ADAMTS9: variants seen among roughly 807,000 people sequenced by gnomAD.
ADAMTS9 encodes A disintegrin and metalloproteinase with thrombospondin motifs 9.
In ADAMTS9, 107 loss-of-function variants were observed where a neutral mutation model predicts 257.1. The ratio of observed to expected loss-of-function variants is 0.42; its 90% CI spans 0.36 to 0.49. The LOEUF is 0.49. ADAMTS9 is among the 20% of genes least tolerant of loss of function. The pLI, the probability that ADAMTS9 is intolerant of heterozygous loss-of-function variation, is 0.03. For synonymous variants in ADAMTS9, 982 were observed against 880.9 expected, an observed-to-expected ratio of 1.11 and a Z score of -2.03; for missense variants, 2,353 against 2,469.1, an observed-to-expected ratio of 0.95 and a Z score of 1.00.
chr3:64,528,522 T>C (rs985318703), intron 38 of ADAMTS9, among the ~76,000 whole-genome samples: 1 of 152,034 alleles, frequency 6.6e-6, no homozygotes, highest in Non-Finnish European at 1.5e-5. Flanking sequence ...TGCCCTGAAG[T>C]CCACCCCCAA....
At chr3:64,521,563 G>C (rs1424252780) in intron 39 of ADAMTS9, 1 of 152,140 alleles carries the variant, frequency 6.6e-6, no homozygotes, top group African/African-American at 2.4e-5. Context: ...TGGTGGACTG[G>C]ATTTTAAAAA....
intron 28 of ADAMTS9, among the ~76,000 whole-genome samples, chr3:64,570,860 G>A (rs1478419307): frequency 6.6e-6 from 1 of 152,116 alleles, no homozygotes; most frequent in East Asian, 1.9e-4. Flanking sequence ...GGGAAAACTG[G>A]GAGATACAGC....
chr3:64,519,611 G>T (rs1048767239), intron 39 of ADAMTS9, among the ~76,000 whole-genome samples: 1 of 152,128 alleles, frequency 6.6e-6, no homozygotes, highest in Admixed American at 6.6e-5. Flanking sequence ...TGATCGAGTG[G>T]ACTTTATTCT....
At chr3:64,619,330 T>C (rs1483274662) in intron 19 of ADAMTS9, among the ~76,000 whole-genome samples, 1 of 152,106 alleles carries the variant, frequency 6.6e-6, no homozygotes, top group Non-Finnish European at 1.5e-5. Context: ...ATTATTTCTT[T>C]TCACAAAGGA....
intron 6 of ADAMTS9, among the ~76,000 whole-genome samples, chr3:64,654,989 C>A (rs969200156): frequency 1.2e-4 from 19 of 152,178 alleles, no homozygotes; most frequent in Non-Finnish European, 1.5e-5. Flanking sequence ...TGCTCATGAC[C>A]ACAATTGAGA....
chr3:64,651,222 T>A lies in ADAMTS9; in HGVS notation c.1317-59A>T, dbSNP rs925827530. ...TAAACACCAAGGGATCATGCTGTTC[T>A]AATTGCTTCAGGAATGCAACTATCT... On this transcript the variant is annotated intron_variant, in intron 8 of 39. Transcript: ENST00000498707. 2.8e-5 allele frequency: 41 copies of A among 1,447,492 alleles called. No homozygotes were observed. The African/African-American group carries it at 5.6e-4, about 20-fold the overall frequency. The allele number at this position is 1,447,492 out of a possible 1,614,324, so 89.7% of individuals were successfully genotyped here. A position where few individuals can be genotyped will look rare whatever the true frequency, so the allele number is the denominator to read the frequency against.
chr3:64,598,759 A>G (rs1474978217), intron 26 of ADAMTS9, among the ~76,000 whole-genome samples: 1 of 152,188 alleles, frequency 6.6e-6, no homozygotes, highest in Non-Finnish European at 1.5e-5. Flanking sequence ...TTTGTCATCT[A>G]TATCTTGGTC....
At chr3:64,598,021 C>T (rs1034143297) in intron 26 of ADAMTS9, among the ~76,000 whole-genome samples, 3 of 152,168 alleles carry the variant, frequency 2.0e-5, no homozygotes, top group Non-Finnish European at 4.4e-5. Context: ...TAGGCTCTAT[C>T]AAACATTGCT....
At chr3:64,532,078 G>C (rs1167236615) in intron 38 of ADAMTS9, among the ~76,000 whole-genome samples, 1 of 152,122 alleles carries the variant, frequency 6.6e-6, no homozygotes. Flanking sequence ...GAAGGACCTG[G>C]GCAGGTGCAT....
At chr3:64,518,468 C>G (rs572064233) in intron 39 of ADAMTS9, among the ~76,000 whole-genome samples, 5 of 152,068 alleles carry the variant, frequency 3.3e-5, no homozygotes, top group Non-Finnish European at 7.3e-5. Context: ...TGACCAGTTC[C>G]GTCTTTTACT....
intron 29 of ADAMTS9, chr3:64,565,467 T>A (rs2083519553): frequency 6.6e-6 from 1 of 152,240 alleles, no homozygotes; most frequent in South Asian, 2.1e-4. Flanking sequence ...GTGAAGCCCA[T>A]CCTGACCACA....
chr3:64,683,151 A>G (rs943316228), intron 2 of ADAMTS9, among the ~76,000 whole-genome samples: 1 of 152,194 alleles, frequency 6.6e-6, no homozygotes, highest in Admixed American at 6.5e-5. Context: ...TCTGAGCACA[A>G]ATCAGAGAGC....
At chr3:64,672,515 T>C (rs570587486) in intron 3 of ADAMTS9, among the ~76,000 whole-genome samples, 2 of 152,294 alleles carry the variant, frequency 1.3e-5, no homozygotes, top group Admixed American at 1.3e-4. Flanking sequence ...AAACCCTGTC[T>C]CTACTAAAAA....
At chr3:64,673,941 T>C (rs770702310) in intron 3 of ADAMTS9, among the ~76,000 whole-genome samples, 118 of 152,176 alleles carry the variant, frequency 7.8e-4, no homozygotes, top group Non-Finnish European at 1.5e-3. Context: ...ATGTTCATAA[T>C]AAAATGGTTT....
At chr3:64,675,188 A>G (rs558832992) in intron 3 of ADAMTS9, among the ~76,000 whole-genome samples, 2 of 152,362 alleles carry the variant, frequency 1.3e-5, no homozygotes, top group African/African-American at 4.8e-5. Context: ...AACATTACAG[A>G]CTTCTCTGTG....
chr3:64,617,071 C>A (rs945393199), intron 19 of ADAMTS9, among the ~76,000 whole-genome samples: 4 of 152,132 alleles, frequency 2.6e-5, no homozygotes, highest in South Asian at 2.1e-4. Flanking sequence ...TAGAGTGACA[C>A]CATATTTGGG....
chr3:64,645,896 C>T (rs572302440), intron 11 of ADAMTS9, among the ~76,000 whole-genome samples: 4 of 152,288 alleles, frequency 2.6e-5, no homozygotes, highest in South Asian at 2.1e-4. Context: ...AATTACCCTA[C>T]GATCCCTCCT....
chr3:64,622,672 G>T, intron 16 of ADAMTS9, 86 bp from the exon 17 acceptor site: 1 of 1,453,862 alleles, frequency 6.9e-7, no homozygotes. Flanking sequence ...GATAGGTAGA[G>T]AGTCGCTGTG....
chr3:64,676,525 A>AG (rs1701627961), intron 3 of ADAMTS9, among the ~76,000 whole-genome samples: 1 of 152,016 alleles, frequency 6.6e-6, no homozygotes, highest in South Asian at 2.1e-4. Context: ...TATCATTAAA[A>AG]AAAAATAATA....
Sources: allele counts gnomAD v4.1 joint callset (sites outside exome capture counted in the v4.1 genomes callset), GRCh38; gene constraint gnomAD v4.1.1; transcripts MANE v1.5; gene names NCBI Gene and HGNC (gene_info 2026-07-23, HGNC 2026-07-21).